Variants in LRRC14 observed in about 807,000 individuals in gnomAD.
The protein encoded by LRRC14 is leucine-rich repeat-containing protein 14.
A neutral mutation model predicts 25.3 loss-of-function variants in LRRC14; 16 were observed. The ratio of observed to expected loss-of-function variants is 0.63; its 90% confidence interval spans 0.43 to 0.96. The LOEUF (loss-of-function observed/expected upper bound fraction) is 0.96, where lower values mean the gene tolerates loss of function less well. Among genes scored for constraint, LRRC14 ranks in the 40% least tolerant of loss-of-function variants. The pLI, the probability that LRRC14 is intolerant of heterozygous loss-of-function variation, is 0.00. For missense variants in LRRC14, 594 were observed against 660.5 expected (o/e 0.90, Z 1.10); for synonymous variants, 359 against 295.1 (o/e 1.22, Z -2.22).
Position 144,524,246 on chromosome 8 carries a change from G to A in LRRC14, c.*2768G>A. On this transcript the variant is annotated 3_prime_UTR_variant, in exon 4 of 4. Coordinates refer to ENST00000292524, the MANE Select transcript of LRRC14 (RefSeq NM_014665.4). ...GAGCCTGGTCCTCCAGCAGCTCAATGCTGTTTTCTTGCAGGTGAAGCTCCT... is the reference window on the plus strand; with the variant it reads ...GAGCCTGGTCCTCCAGCAGCTCAATACTGTTTTCTTGCAGGTGAAGCTCCT... The A allele has an allele frequency of 1.2e-6, 2 of 1,612,554 alleles. No individual in the cohort carries two copies. The highest frequency in any genetic ancestry group is 1.7e-6 in the Non-Finnish European group (2 of 1,179,972).
Position 144,522,537 on chromosome 8 carries a change from C to T in LRRC14, c.*1059C>T, listed in dbSNP as rs775452212. 5 of 1,524,752 alleles carry T rather than the reference C, an allele frequency of 3.3e-6. No homozygotes were observed. The highest frequency in any genetic ancestry group is 2.5e-5 in the South Asian group (2 of 81,458). The allele number at this position is 1,524,752 out of a possible 1,614,324, so 94.5% of individuals were successfully genotyped here. A position where few individuals can be genotyped will look rare whatever the true frequency, so the allele number is the denominator to read the frequency against. ...CGGAGTCCCGGCCCCGCCCCCTGTT[C>T]CGGGCCGCAGTCAGCGGGCGCCTCC... is the stretch of plus-strand genomic sequence containing the variant. On this transcript the variant is annotated 3_prime_UTR_variant, in exon 4 of 4. Coordinates refer to ENST00000292524, the MANE Select transcript of LRRC14 (RefSeq NM_014665.4).
Position 144,524,046 on chromosome 8 carries a change from A to T in LRRC14, c.*2568A>T. ...GCCTGATGTCAGAGCCCCTCCACAC[A>T]TGAGCCTGCTCCCTACTGCCAACAC... On this transcript the variant is annotated 3_prime_UTR_variant, in exon 4 of 4. Transcript: ENST00000292524. 1.3e-6 allele frequency: 2 copies of T among 1,550,182 alleles called. No homozygotes were observed. Among genetic ancestry groups the T allele is most frequent in the Non-Finnish European group, 1.8e-6 (2 of 1,141,784 alleles).
Position 144,524,348 on chromosome 8 carries a change from A to G in LRRC14, c.*2870A>G. The G allele has an allele frequency of 1.9e-6, 3 of 1,597,614 alleles. No homozygotes were observed. Among genetic ancestry groups the G allele is most frequent in the Non-Finnish European group, 2.5e-6 (3 of 1,178,178 alleles). Reference sequence around the variant, plus strand: ...TGGGGGCATGTCTCTCTTCTTACCAAGCTAGACTGGGTTGCCTTTTCTAAC... The same window carrying G: ...TGGGGGCATGTCTCTCTTCTTACCAGGCTAGACTGGGTTGCCTTTTCTAAC... On this transcript the variant is annotated 3_prime_UTR_variant, in exon 4 of 4. Coordinates refer to ENST00000292524, the MANE Select transcript of LRRC14 (RefSeq NM_014665.4).
Position 144,524,235 on chromosome 8 carries a change from A to G in LRRC14, c.*2757A>G. 6.2e-7 allele frequency: 1 copy of G among 1,612,634 alleles called. No individual in the cohort carries two copies. Among genetic ancestry groups the G allele is most frequent in the Non-Finnish European group, 8.5e-7 (1 of 1,179,954 alleles). On this transcript the variant is annotated 3_prime_UTR_variant, in exon 4 of 4. Coordinates refer to ENST00000292524, the MANE Select transcript of LRRC14 (RefSeq NM_014665.4). ...CAGCCCCGCTAGAGCCTGGTCCTCC[A>G]GCAGCTCAATGCTGTTTTCTTGCAG...
chr8:144,521,559 G>GC lies in LRRC14; in HGVS notation c.*83dup. 7.2e-7 allele frequency: 1 copy of GC among 1,387,822 alleles called. No individual in the cohort carries two copies. 86.0% of individuals were successfully genotyped at this position (1,387,822 alleles called of 1,614,324 possible). A position where few individuals can be genotyped will look rare whatever the true frequency, so the allele number is the denominator to read the frequency against. ...GCCTTTGCTGGGACCCCTGGTGGAG[G>GC]CCTTCACAAAAGCACTGGTTACTGG... is the stretch of plus-strand genomic sequence containing the variant. On this transcript the variant is annotated 3_prime_UTR_variant, in exon 4 of 4. Transcript: ENST00000292524.
At position 144,523,185 on chromosome 8, in the gene LRRC14, G is replaced by T. The variant is rs1816197739; in HGVS notation, c.*1707G>T. 1 of 1,609,702 alleles carries T rather than the reference G, an allele frequency of 6.2e-7. No individual in the cohort carries two copies. The highest frequency in any genetic ancestry group is 8.5e-7 in the Non-Finnish European group (1 of 1,178,698). ...TAGCCGGAGGCTTGGCAGGCAACCC[G>T]CAGGTCCTCACCCAGGTTGGCTGTG... On this transcript the variant is annotated 3_prime_UTR_variant, in exon 4 of 4. Transcript: ENST00000292524.
chr8:144,518,927 ATACT>A (rs1304737969), intron 1 of LRRC14: 1 of 152,324 alleles, frequency 6.6e-6, no homozygotes, highest in Non-Finnish European at 1.5e-5. Context: ...TGAATCCCAC[ATACT>A]TAAGACTTGG....
In LRRC14 at chr8:144,522,445, GGCGCCCACGTCATCCGC is replaced by G. The variant is rs1816135778; in HGVS notation, c.*974_*990del. ...CGCGAGGCCGCACCGGCCAATCTCCGGCGCCCACGTCATCCGCGCGCCCGCGGCCCTAGCAGTGGATC... is the reference window on the plus strand; with the variant it reads ...CGCGAGGCCGCACCGGCCAATCTCCGGCGCCCGCGGCCCTAGCAGTGGATC... On this transcript the variant is annotated 3_prime_UTR_variant, in exon 4 of 4. Coordinates refer to ENST00000292524, the MANE Select transcript of LRRC14 (RefSeq NM_014665.4). 1 of 1,390,230 alleles carries G rather than the reference GGCGCCCACGTCATCCGC, an allele frequency of 7.2e-7. No individual in the cohort carries two copies. 86.1% of individuals were successfully genotyped at this position (1,390,230 alleles called of 1,614,324 possible).
Position 144,521,571 on chromosome 8 carries a change from G to A in LRRC14, c.*93G>A. 1 of 1,287,642 alleles carries A rather than the reference G, an allele frequency of 7.8e-7. No individual in the cohort carries two copies. Among genetic ancestry groups the A allele is most frequent in the South Asian group, 1.5e-5 (1 of 67,956 alleles). The allele number at this position is 1,287,642 out of a possible 1,614,324, so 79.8% of individuals were successfully genotyped here. On this transcript the variant is annotated 3_prime_UTR_variant, in exon 4 of 4. Coordinates refer to ENST00000292524, the MANE Select transcript of LRRC14 (RefSeq NM_014665.4). Reference sequence around the variant, plus strand: ...ACCCCTGGTGGAGGCCTTCACAAAAGCACTGGTTACTGGTTTCCTGCTGGG... The same window carrying A: ...ACCCCTGGTGGAGGCCTTCACAAAAACACTGGTTACTGGTTTCCTGCTGGG...
chr8:144,523,664 C>T lies in LRRC14; in HGVS notation c.*2186C>T, dbSNP rs1050636445. ...ACTTCTCCGTCGGTCTCTGAGAAAG[C>T]ACCTGCTCCTTAAGTCTTCCTGCAA... On this transcript the variant is annotated 3_prime_UTR_variant, in exon 4 of 4. Transcript: ENST00000292524. 19 of 476,984 alleles carry T rather than the reference C, an allele frequency of 4.0e-5. No homozygotes were observed. Among genetic ancestry groups the T allele is most frequent in the Non-Finnish European group, 6.0e-5 (17 of 284,120 alleles). The allele number at this position is 476,984 out of a possible 1,614,324, so 29.5% of individuals were successfully genotyped here.
Position 144,523,207 on chromosome 8 carries a change from T to A in LRRC14, c.*1729T>A, listed in dbSNP as rs368396778. 1.1e-5 allele frequency: 17 copies of A among 1,609,458 alleles called. No individual in the cohort carries two copies. Among genetic ancestry groups the A allele is most frequent in the Non-Finnish European group, 1.2e-5 (14 of 1,178,538 alleles). ...CCCGCAGGTCCTCACCCAGGTTGGC[T>A]GTGAGCTCCAGCGGCTGCACGTGGA... On this transcript the variant is annotated 3_prime_UTR_variant, in exon 4 of 4. Coordinates refer to ENST00000292524, the MANE Select transcript of LRRC14 (RefSeq NM_014665.4).
chr8:144,525,073 G>T lies in LRRC14; in HGVS notation c.*3595G>T. Reference sequence around the variant, plus strand: ...GGCAGGCCAGTCTCGGCAGTCGAGAGCCAGCCAATAGATGGAATGGAGGCC... The same window carrying T: ...GGCAGGCCAGTCTCGGCAGTCGAGATCCAGCCAATAGATGGAATGGAGGCC... On this transcript the variant is annotated 3_prime_UTR_variant, in exon 4 of 4. Coordinates refer to ENST00000292524, the MANE Select transcript of LRRC14 (RefSeq NM_014665.4). The T allele has an allele frequency of 3.0e-6, 4 of 1,313,404 alleles. No homozygotes were observed. The highest frequency in any genetic ancestry group is 3.9e-6 in the Non-Finnish European group (4 of 1,024,506). 81.4% of individuals were successfully genotyped at this position (1,313,404 alleles called of 1,614,324 possible). A position where few individuals can be genotyped will look rare whatever the true frequency, so the allele number is the denominator to read the frequency against.
Position 144,524,725 on chromosome 8 carries a change from G to A in LRRC14, c.*3247G>A. 1 of 1,446,344 alleles carries A rather than the reference G, an allele frequency of 6.9e-7. No individual in the cohort carries two copies. Among genetic ancestry groups the A allele is most frequent in the Non-Finnish European group, 9.0e-7 (1 of 1,107,024 alleles). The allele number at this position is 1,446,344 out of a possible 1,614,324, so 89.6% of individuals were successfully genotyped here. A position where few individuals can be genotyped will look rare whatever the true frequency, so the allele number is the denominator to read the frequency against. On this transcript the variant is annotated 3_prime_UTR_variant, in exon 4 of 4. Coordinates refer to ENST00000292524, the MANE Select transcript of LRRC14 (RefSeq NM_014665.4). Reference sequence around the variant, plus strand: ...TTGTCCTGCAGGAACAGTGTCTGCAGGCCGGGGAAAGAGGAGGCGCTTACC... The same window carrying A: ...TTGTCCTGCAGGAACAGTGTCTGCAAGCCGGGGAAAGAGGAGGCGCTTACC...
At position 144,520,329 on chromosome 8, in the gene LRRC14, G is replaced by A; in HGVS notation, c.421G>A (p.Ala141Thr). 1 of 1,612,376 alleles carries A rather than the reference G, an allele frequency of 6.2e-7. No individual in the cohort carries two copies. The highest frequency in any genetic ancestry group is 8.5e-7 in the Non-Finnish European group (1 of 1,179,970). Reference protein sequence around the residue: ...PGTMSMWDCTAAVARTCIAQQ... With the variant: ...PGTMSMWDCTTAVARTCIAQQ... ...CACCATGAGCATGTGGGACTGTACT[G>A]CTGCCGTAGCTCGCACATGCATTGC... Residue 141 changes from alanine to threonine, a missense_variant, in exon 3 of 4, where the codon GCT becomes ACT. Ala to Thr is a moderately conservative substitution (Grantham distance 58). Coordinates refer to ENST00000292524, the MANE Select transcript of LRRC14 (RefSeq NM_014665.4).
chr8:144,519,775 CAGCT>C lies in LRRC14; in HGVS notation c.51_54del (p.Ala18ProfsTer74). 1 of 1,612,894 alleles carries C rather than the reference CAGCT, an allele frequency of 6.2e-7. No individual in the cohort carries two copies. Among genetic ancestry groups the C allele is most frequent in the East Asian group, 2.2e-5 (1 of 44,884 alleles). ...ACACGGCAGGTGCTGCAGTGCCAGC[CAGCT>C]GCCTGCCAGGCCCTGCCCTTGCTGC... On this transcript the variant is annotated frameshift_variant, in exon 2 of 4. Transcript: ENST00000292524. LOFTEE classifies it high-confidence loss of function.
At position 144,524,139 on chromosome 8, in the gene LRRC14, A is replaced by T. The variant is rs373726549; in HGVS notation, c.*2661A>T. ...GAGGCGCAGGACTTGCAGACTGGCC[A>T]GGGGCTGCAGGGCCTCTCGGCTGAT... On this transcript the variant is annotated 3_prime_UTR_variant, in exon 4 of 4. Coordinates refer to ENST00000292524, the MANE Select transcript of LRRC14 (RefSeq NM_014665.4). 1 of 1,607,080 alleles carries T rather than the reference A, an allele frequency of 6.2e-7. No individual in the cohort carries two copies. The highest frequency in any genetic ancestry group is 1.3e-5 in the African/African-American group (1 of 74,938).
Position 144,520,977 on chromosome 8 carries a change from C to A in LRRC14, c.981C>A (p.Arg327=). 6.2e-7 allele frequency: 1 copy of A among 1,613,172 alleles called. No homozygotes were observed. The highest frequency in any genetic ancestry group is 1.7e-5 in the Admixed American group (1 of 60,032). ...GTGCTCTGCTGCCTGAGGACCTACG[C>A]TTCCTGGCACGGAGCCCACATGCTG... ...AFCALLPEDL[R]FLARSPHAAH... is the part of the protein sequence containing the mutation. Residue 327 remains arginine (R), a synonymous_variant, in exon 4 of 4, where the codon CGC becomes CGA. Transcript: ENST00000292524.
rs1336217639 is a variant in LRRC14 at position 144,517,998 on chromosome 8, C to A, written c.-155C>A. On this transcript the variant is annotated 5_prime_UTR_variant, in exon 1 of 4. Coordinates refer to ENST00000292524, the MANE Select transcript of LRRC14 (RefSeq NM_014665.4). ...GCGGCGCCGGGCGGGGAGCGGCGGACGGTCTAGGCGGGGCTGGAGGCGGTG... is the reference window on the plus strand; with the variant it reads ...GCGGCGCCGGGCGGGGAGCGGCGGAAGGTCTAGGCGGGGCTGGAGGCGGTG... 2 of 218,426 alleles carry A rather than the reference C, an allele frequency of 9.2e-6. No homozygotes were observed. The highest frequency in any genetic ancestry group is 1.2e-4 in the East Asian group (1 of 8,228). The allele number at this position is 218,426 out of a possible 1,614,324, so 13.5% of individuals were successfully genotyped here. A position where few individuals can be genotyped will look rare whatever the true frequency, so the allele number is the denominator to read the frequency against.
chr8:144,523,963 C>T lies in LRRC14; in HGVS notation c.*2485C>T, dbSNP rs564080951. On this transcript the variant is annotated 3_prime_UTR_variant, in exon 4 of 4. Coordinates refer to ENST00000292524, the MANE Select transcript of LRRC14 (RefSeq NM_014665.4). The stretch of plus-strand genomic sequence containing the variant: ...CTGTATTCCCCAGCACACCCACTCC[C>T]GCAGCCCTCCAGTGTGGCTGCAGGC... 8 of 929,468 alleles carry T rather than the reference C, an allele frequency of 8.6e-6. No individual in the cohort carries two copies. The highest frequency in any genetic ancestry group is 7.0e-5 in the Admixed American group (3 of 42,994). 57.6% of individuals were successfully genotyped at this position (929,468 alleles called of 1,614,324 possible). A position where few individuals can be genotyped will look rare whatever the true frequency, so the allele number is the denominator to read the frequency against.
Sources: gnomAD v4.1 joint callset for allele counts on GRCh38, gnomAD v4.1.1 for gene constraint, MANE v1.5 for transcripts, NCBI Gene and HGNC (gene_info 2026-07-23, HGNC 2026-07-21) for gene names.